The following TMEM154 variants were observed in gnomAD, a reference collection of about 807,000 sequenced individuals.
TMEM154 encodes the protein transmembrane protein 154.
A neutral mutation model predicts 24.5 loss-of-function variants in TMEM154; 27 were observed. The ratio of observed to expected loss-of-function variants is 1.10; its 90% CI spans 0.81 to 1.52. TMEM154 has a LOEUF of 1.52. TMEM154 is among the 40% of genes most tolerant of loss of function. The pLI is 0.00. For synonymous variants in TMEM154, 67 were observed against 76.8 expected (o/e 0.87, Z 0.67); for missense variants, 228 against 213.4 (o/e 1.07, Z -0.43).
At chr4:152,629,391 G>A (rs868373680) in intron 6 of TMEM154, among the ~76,000 whole-genome samples, 48 of 152,250 alleles carry the variant, frequency 3.2e-4, no homozygotes, top group South Asian at 1.0e-3. Flanking sequence ...GGCATCCTGG[G>A]GTGTGAGCAG....
At chr4:152,634,606 C>T (rs1425823272) in intron 6 of TMEM154, among the ~76,000 whole-genome samples, 5 of 152,206 alleles carry the variant, frequency 3.3e-5, no homozygotes, top group Non-Finnish European at 7.3e-5. Context: ...ACTATTCAAG[C>T]AATGCTGTGG....
chr4:152,671,358 A>G (rs1728832356), intron 1 of TMEM154, among the ~76,000 whole-genome samples: 1 of 152,166 alleles, frequency 6.6e-6, no homozygotes, highest in African/African-American at 2.4e-5. Context: ...ACAGGAGGAA[A>G]TGATTCCATT....
chr4:152,662,062 T>C (rs1231710541), intron 1 of TMEM154, among the ~76,000 whole-genome samples: 1 of 152,236 alleles, frequency 6.6e-6, no homozygotes, highest in African/African-American at 2.4e-5. Flanking sequence ...TTGAATGTAT[T>C]ATAATCTTTT....
At chr4:152,669,268 C>T (rs1000685290) in intron 1 of TMEM154, 2 of 152,080 alleles carry the variant, frequency 1.3e-5, no homozygotes, top group South Asian at 2.1e-4. Context: ...TATTCTAATA[C>T]GTAGCTGTAC....
At chr4:152,655,530 C>T (rs1728473869) in intron 1 of TMEM154, among the ~76,000 whole-genome samples, 1 of 152,188 alleles carries the variant, frequency 6.6e-6, no homozygotes, top group African/African-American at 2.4e-5. Flanking sequence ...CCCAACAGCC[C>T]CTGAATCTCC....
chr4:152,677,812 C>T (rs1187340352), intron 1 of TMEM154, among the ~76,000 whole-genome samples: 1 of 152,134 alleles, frequency 6.6e-6, no homozygotes, highest in Non-Finnish European at 1.5e-5. Context: ...GGATGATTTT[C>T]ATATTTATCA....
intron 1 of TMEM154, chr4:152,670,041 A>G (rs567334770): frequency 9.8e-5 from 15 of 152,344 alleles, no homozygotes; most frequent in African/African-American, 3.6e-4. Flanking sequence ...TTAAGTATCC[A>G]TGGAACTTGT....
intron 6 of TMEM154, among the ~76,000 whole-genome samples, chr4:152,630,179 G>A (rs1752008189): frequency 6.6e-6 from 1 of 151,840 alleles, no homozygotes; most frequent in Non-Finnish European, 1.5e-5. Context: ...AAGTGTGGTG[G>A]TGCACACTTG....
At chr4:152,644,856 G>A (rs1752326103) in intron 3 of TMEM154, among the ~76,000 whole-genome samples, 1 of 152,230 alleles carries the variant, frequency 6.6e-6, no homozygotes, top group Admixed American at 6.5e-5. Context: ...GCTGAACACT[G>A]TGACACTGTG....
At chr4:152,642,974 G>T in intron 5 of TMEM154, 114 bp downstream of exon 5, 1 of 767,516 alleles carries the variant, frequency 1.3e-6, no homozygotes, top group Non-Finnish European at 2.2e-6. Flanking sequence ...CAGATCTAAT[G>T]TGGGATTGGG....
Position 152,624,980 on chromosome 4 carries a change from G to A in TMEM154, c.*3566C>T, listed in dbSNP as rs1281830687. On this transcript the variant is annotated 3_prime_UTR_variant, in exon 7 of 7. Transcript: ENST00000304385. ...ATGTTCTCCCACAAGGAGGATTTCA[G>A]CAGTGTCTTCCCAGCATGAAACCAT... is the stretch of plus-strand genomic sequence containing the variant. 3 of 152,200 alleles carry A rather than the reference G, an allele frequency of 2.0e-5. No individual in the cohort carries two copies. The highest frequency in any genetic ancestry group is 2.0e-4 in the Admixed American group (3 of 15,282). 9.4% of individuals were successfully genotyped at this position (152,200 alleles called of 1,614,324 possible).
chr4:152,652,568 T>C lies in TMEM154; in HGVS notation c.334A>G (p.Ser112Gly). 1 of 1,614,026 alleles carries C rather than the reference T, an allele frequency of 6.2e-7. No homozygotes were observed. The highest frequency in any genetic ancestry group is 1.3e-5 in the African/African-American group (1 of 75,068). The change falls in exon 3 of 7, where the codon AGC becomes GGC. Residue 112 changes from serine (S) to glycine (G), a missense_variant. By Grantham distance (56) the Ser-to-Gly change is moderately conservative. Coordinates refer to ENST00000304385, the MANE Select transcript of TMEM154 (RefSeq NM_152680.3). ...KRKRTKQEPS[S>G]QGSQSALQTY... ...TGTAAAGCACTCTGAGATCCTTGGC[T>C]AGAAGGTTCTGTATCAAAGCAAAGA...
At chr4:152,644,350 A>G in intron 4 of TMEM154, 65 bp downstream of exon 4, 1 of 1,567,616 alleles carries the variant, frequency 6.4e-7, no homozygotes, top group Non-Finnish European at 8.8e-7. Context: ...CTGAAAAGGC[A>G]GCTGTCCACC....
chr4:152,674,272 A>G (rs1362309933), intron 1 of TMEM154, among the ~76,000 whole-genome samples: 1 of 151,900 alleles, frequency 6.6e-6, no homozygotes, highest in Non-Finnish European at 1.5e-5. Flanking sequence ...GCTCCTGTCC[A>G]TTCACTGGGT....
At position 152,624,951 on chromosome 4, in the gene TMEM154, T is replaced by G. The variant is rs932409126; in HGVS notation, c.*3595A>C. ...GCGTTAATTTAATTCAGTATAAAAT[T>G]TCCATGTTCTCCCACAAGGAGGATT... On this transcript the variant is annotated 3_prime_UTR_variant, in exon 7 of 7. Transcript: ENST00000304385. The G allele has an allele frequency of 6.6e-6, 1 of 152,212 alleles. No homozygotes were observed. Among genetic ancestry groups the G allele is most frequent in the African/African-American group, 2.4e-5 (1 of 41,458 alleles). 9.4% of individuals were successfully genotyped at this position (152,212 alleles called of 1,614,324 possible).
Position 152,652,541 on chromosome 4 carries a change from T to C in TMEM154, c.361A>G (p.Thr121Ala). The stretch of plus-strand genomic sequence containing the variant: ...CAGGTTTTAGGATAATACTCACATG[T>C]CTGTAAAGCACTCTGAGATCCTTGG... ...SSQGSQSALQ[T>A]YELGSENVKV... Residue 121 changes from threonine to alanine, a missense_variant, in exon 3 of 7, where the codon ACA (threonine) becomes GCA (alanine). Transcript: ENST00000304385. The C allele has an allele frequency of 6.2e-7, 1 of 1,614,028 alleles. No individual in the cohort carries two copies.
intron 1 of TMEM154, among the ~76,000 whole-genome samples, chr4:152,672,364 T>C (rs1333824967): frequency 6.6e-6 from 1 of 151,910 alleles, no homozygotes; most frequent in Admixed American, 6.6e-5. Context: ...AACCAAACAC[T>C]GGAAAGAAGC....
intron 6 of TMEM154, 40 bp from the exon 7 acceptor site, chr4:152,628,601 ACACAC>A (rs1271960258): frequency 6.7e-6 from 7 of 1,050,176 alleles, no homozygotes; most frequent in African/African-American, 2.0e-5. Flanking sequence ...AACAAAAAAA[ACACAC>A]ACACACACAC....
intron 1 of TMEM154, among the ~76,000 whole-genome samples, chr4:152,671,496 C>T (rs982820949): frequency 1.3e-5 from 2 of 151,838 alleles, no homozygotes; most frequent in Admixed American, 6.6e-5. Flanking sequence ...GCCTGTAATC[C>T]CAGCACTTTG....
Sources: allele counts gnomAD v4.1 joint callset (sites outside exome capture counted in the v4.1 genomes callset), GRCh38; gene constraint gnomAD v4.1.1; transcripts MANE v1.5; gene names NCBI Gene and HGNC (gene_info 2026-07-23, HGNC 2026-07-21).